BOD1L1: variants seen among roughly 807,000 people sequenced by gnomAD.
BOD1L1 encodes biorientation of chromosomes in cell division protein 1-like 1.
In BOD1L1, 86 loss-of-function variants were observed where a neutral mutation model predicts 240.7. The observed-to-expected ratio is 0.36, with a 90% CI of 0.30 to 0.43. The LOEUF (loss-of-function observed/expected upper bound fraction) is 0.43, where lower values mean the gene tolerates loss of function less well. Among genes scored for constraint, BOD1L1 ranks in the 20% least tolerant of loss-of-function variants. The probability of loss-of-function intolerance (pLI) is 1.00; values close to 1 mark genes in which losing one functional copy is unlikely to be tolerated. For missense variants in BOD1L1, 3,554 were observed against 3,643.5 expected (o/e 0.98, Z 0.63); for synonymous variants, 1,268 against 1,272.3 (o/e 1.00, Z 0.07).
intron 11 of BOD1L1, 102 bp downstream of exon 11, chr4:13,597,002 T>G: frequency 2.9e-5 from 26 of 909,100 alleles, no homozygotes; most frequent in Non-Finnish European, 4.1e-5. Context: ...ATAAGTACAA[T>G]GAGAACAGGA....
chr4:13,627,520 G>A lies in BOD1L1; in HGVS notation c.68C>T (p.Pro23Leu), dbSNP rs974472189. ...APPPPPPQPQ[P>L]QPPPPPPGPG... ...GCCCGGCGGCGGCGGCGGTGGCTGC[G>A]GCTGCGGCTGCGGCGGGGGAGGCGG... is the stretch of plus-strand genomic sequence containing the variant. Residue 23 changes from proline to leucine, a missense_variant, in exon 1 of 26, where the codon CCG (proline) becomes CTG (leucine). Physicochemically the swap from Pro to Leu is moderately conservative, Grantham distance 98. This residue lies in a region of BOD1L1 where 161 missense variants were observed against 216.4 expected (regional missense o/e 0.74). Transcript: ENST00000040738. 30 of 1,072,872 alleles carry A rather than the reference G, an allele frequency of 2.8e-5. No individual in the cohort carries two copies. The highest frequency in any genetic ancestry group is 3.0e-5 in the Non-Finnish European group (27 of 886,594). The allele number at this position is 1,072,872 out of a possible 1,614,324, so 66.5% of individuals were successfully genotyped here.
intron 22 of BOD1L1, 43 bp downstream of exon 22, chr4:13,579,885 C>T: frequency 6.7e-7 from 1 of 1,496,822 alleles, no homozygotes; most frequent in Non-Finnish European, 9.1e-7. Flanking sequence ...CCTCTCCTGC[C>T]CCTCCCTCAG....
chr4:13,597,827 G>T (rs1376508041), intron 10 of BOD1L1, among the ~76,000 whole-genome samples: 1 of 152,212 alleles, frequency 6.6e-6, no homozygotes, highest in Non-Finnish European at 1.5e-5. Flanking sequence ...ACAGAAACTT[G>T]TAAAGTTACT....
intron 16 of BOD1L1, 40 bp from the exon 17 acceptor site, chr4:13,586,515 C>A: frequency 7.2e-7 from 1 of 1,390,232 alleles, no homozygotes; most frequent in South Asian, 1.3e-5. Context: ...GGAACAAAAG[C>A]TAAATGAAAA....
intron 12 of BOD1L1, among the ~76,000 whole-genome samples, chr4:13,594,673 G>C (rs1714478217): frequency 6.6e-6 from 1 of 152,256 alleles, no homozygotes; most frequent in South Asian, 2.1e-4. Context: ...AAGGCGGGCG[G>C]ATCACGAGGT....
chr4:13,580,831 A>G lies in BOD1L1; in HGVS notation c.8703+189T>C, dbSNP rs77194848. On this transcript the variant is annotated intron_variant, in intron 21 of 25. Coordinates refer to ENST00000040738, the MANE Select transcript of BOD1L1 (RefSeq NM_148894.3). ...CAAACTCCTGAATTAGAATGGAATC[A>G]GAATGAAGAACAACTAATGTAACTC... Among the ~76,000 whole-genome samples the G allele has an allele frequency of 1.2e-3, 184 of 152,344 alleles. 2 individuals are homozygous for G. Among genetic ancestry groups the G allele is most frequent in the Admixed American group, 9.0e-3 (138 of 15,310 alleles).
At chr4:13,572,656 A>G in intron 25 of BOD1L1, 2 of 1,260,826 alleles carry the variant, frequency 1.6e-6, no homozygotes, top group Non-Finnish European at 2.1e-6. Context: ...TACCAAAAAT[A>G]GTCTTAGGGG....
chr4:13,578,033 T>C lies in BOD1L1; in HGVS notation c.8750-402A>G, dbSNP rs761937293. 70 of 161,978 alleles carry C rather than the reference T, an allele frequency of 4.3e-4. 1 individual carries two copies. The highest frequency in any genetic ancestry group is 7.7e-4 in the Admixed American group (12 of 15,664). The allele number at this position is 161,978 out of a possible 1,614,324, so 10.0% of individuals were successfully genotyped here. ...ATTCTCCTGCCTCAGCCTCCTTGAG[T>C]AGCTGAGATTACAGGTGCCCACCAC... On this transcript the variant is annotated intron_variant, in intron 22 of 25. Coordinates refer to ENST00000040738, the MANE Select transcript of BOD1L1 (RefSeq NM_148894.3).
At chr4:13,607,259 T>C in intron 8 of BOD1L1, 70 bp from the exon 9 acceptor site, 1 of 782,840 alleles carries the variant, frequency 1.3e-6, no homozygotes, top group Non-Finnish European at 1.8e-6. Flanking sequence ...TTGAAAACAA[T>C]AAAAATCTTT....
chr4:13,586,353 C>A, intron 17 of BOD1L1, 43 bp downstream of exon 17: 1 of 1,348,788 alleles, frequency 7.4e-7, no homozygotes. Context: ...TTAGGCCTCC[C>A]TACCCCCACC....
intron 22 of BOD1L1, among the ~76,000 whole-genome samples, chr4:13,579,505 T>C (rs1413170556): frequency 6.6e-6 from 1 of 152,202 alleles, no homozygotes; most frequent in Non-Finnish European, 1.5e-5. Flanking sequence ...ACATTAATCT[T>C]TGTTGTTGAT....
In BOD1L1 at chr4:13,579,985, TAAAC is replaced by T. The variant is rs746284275; in HGVS notation, c.8704-16_8704-13del. On this transcript the variant is annotated splice_polypyrimidine_tract_variant and intron_variant, in intron 21 of 25. Transcript: ENST00000040738. Reference sequence around the variant, plus strand: ...GGAGATTGTTCTACCTATGTTTAAATAAACAAACAAAAAAAAATTTTAAATCAGC... The same window carrying T: ...GGAGATTGTTCTACCTATGTTTAAATAAACAAAAAAAAATTTTAAATCAGC... 2.5e-5 allele frequency: 38 copies of T among 1,547,578 alleles called. No homozygotes were observed. In the Admixed American group the frequency reaches 2.6e-4, roughly 10 times the overall value.
chr4:13,605,171 G>C, intron 9 of BOD1L1, 87 bp from the exon 10 acceptor site: 1 of 1,165,844 alleles, frequency 8.6e-7, no homozygotes, highest in Non-Finnish European at 1.1e-6. Flanking sequence ...TTAATATGTT[G>C]AGTGCTGTCA....
chr4:13,573,442 G>GTCTGTCTGTCTATCTATCTATCTATCTA lies in BOD1L1; in HGVS notation c.9039-3315_9039-3314insTAGATAGATAGATAGATAGACAGACAGA, dbSNP rs1384944208. ...TATCTGTCTGTCTGTCTGTCTGTCTGTCTATCTATCTATCTATCTATCTAT... is the reference window on the plus strand; with the variant it reads ...TATCTGTCTGTCTGTCTGTCTGTCTGTCTGTCTGTCTATCTATCTATCTATCTATCTATCTATCTATCTATCTATCTAT... On this transcript the variant is annotated intron_variant, in intron 25 of 25. Coordinates refer to ENST00000040738, the MANE Select transcript of BOD1L1 (RefSeq NM_148894.3). Among the ~76,000 whole-genome samples, 125 of 120,848 alleles carry GTCTGTCTGTCTATCTATCTATCTATCTA rather than the reference G, an allele frequency of 1.0e-3. 9 individuals carry two copies. Among genetic ancestry groups the GTCTGTCTGTCTATCTATCTATCTATCTA allele is most frequent in the South Asian group, 3.1e-3 (10 of 3,226 alleles). 79.3% of individuals were successfully genotyped at this position (120,848 alleles called of 152,430 possible).
chr4:13,587,935 C>T (rs1713840546), intron 15 of BOD1L1, among the ~76,000 whole-genome samples, 164 bp from the exon 16 acceptor site: 1 of 152,060 alleles, frequency 6.6e-6, no homozygotes, highest in Non-Finnish European at 1.5e-5. Context: ...CCTGTAATCC[C>T]AGCACTTTGG....
chr4:13,599,353 G>C lies in BOD1L1; in HGVS notation c.7547C>G (p.Ala2516Gly), dbSNP rs1714892901. 6.2e-7 allele frequency: 1 copy of C among 1,613,836 alleles called. No individual in the cohort carries two copies. Among genetic ancestry groups the C allele is most frequent in the Admixed American group, 1.7e-5 (1 of 59,998 alleles). Reference protein sequence around the residue: ...RGPEQTSGQTAKDPSVSIRYL... With the variant: ...RGPEQTSGQTGKDPSVSIRYL... ...GCGAATGCTGACAGAGGGATCCTTA[G>C]CCGTCTGCCCAGACGTCTGTTCTGG... Residue 2516 changes from alanine (A) to glycine (G), a missense_variant, in exon 10 of 26, where the codon GCT becomes GGT. Coordinates refer to ENST00000040738, the MANE Select transcript of BOD1L1 (RefSeq NM_148894.3).
At chr4:13,592,336 C>T (rs1714282377) in intron 12 of BOD1L1, 1 of 169,424 alleles carries the variant, frequency 5.9e-6, no homozygotes, top group African/African-American at 2.4e-5. Context: ...ATAATAGCGT[C>T]AAATGAAAAG....
At chr4:13,610,224 C>T (rs1716050714) in intron 6 of BOD1L1, among the ~76,000 whole-genome samples, 1 of 152,090 alleles carries the variant, frequency 6.6e-6, no homozygotes, top group African/African-American at 2.4e-5. Context: ...CTTTAAAAAG[C>T]TGTTATTAAT....
intron 16 of BOD1L1, among the ~76,000 whole-genome samples, chr4:13,587,130 C>G (rs897037918): frequency 7.9e-5 from 12 of 152,286 alleles, no homozygotes; most frequent in African/African-American, 2.6e-4. Context: ...TAGTCACTAA[C>G]CACATCTGGC....
Sources: gnomAD v4.1 joint callset for allele counts (sites outside exome capture counted in the v4.1 genomes callset) on GRCh38, gnomAD v4.1.1 for gene constraint, gnomAD v4.1.1 regional missense constraint, MANE v1.5 for transcripts, NCBI Gene and HGNC (gene_info 2026-07-23, HGNC 2026-07-21) for gene names.